The following GRM8 variants were observed in gnomAD, a reference collection of about 807,000 sequenced individuals.
GRM8 encodes metabotropic glutamate receptor 8.
Under a neutral mutation model 87.2 loss-of-function variants are expected in GRM8, and 47 were observed. That is an observed-to-expected ratio of 0.54 (90% CI 0.43 to 0.69). The LOEUF (loss-of-function observed/expected upper bound fraction) is 0.69, where lower values mean the gene tolerates loss of function less well. GRM8 is among the 30% of genes least tolerant of loss of function. The probability of loss-of-function intolerance (pLI) is 0.00; values close to 1 mark genes in which losing one functional copy is unlikely to be tolerated. For synonymous variants in GRM8, 396 were observed against 404.5 expected, an observed-to-expected ratio of 0.98 and a Z score of 0.25; for missense variants, 1,019 against 1,139.2, an observed-to-expected ratio of 0.89 and a Z score of 1.52.
intron 9 of GRM8, among the ~76,000 whole-genome samples, chr7:126,463,176 G>C (rs1252448861): frequency 6.6e-6 from 1 of 151,526 alleles, no homozygotes; most frequent in Non-Finnish European, 1.5e-5. Context: ...GAGACATCAG[G>C]GGATGCAAAG....
At chr7:126,453,417 A>T (rs1320879599) in intron 9 of GRM8, among the ~76,000 whole-genome samples, 1 of 151,754 alleles carries the variant, frequency 6.6e-6, no homozygotes, top group East Asian at 2.0e-4. Flanking sequence ...ATCAAAAGCT[A>T]CGAATAAAGA....
chr7:126,900,588 C>G (rs926826441), intron 6 of GRM8, among the ~76,000 whole-genome samples: 3 of 152,126 alleles, frequency 2.0e-5, no homozygotes, highest in African/African-American at 7.2e-5. Flanking sequence ...CAGCTCACTG[C>G]AACCTCCACC....
intron 3 of GRM8, among the ~76,000 whole-genome samples, chr7:127,056,949 A>T (rs1820057241): frequency 6.6e-6 from 1 of 152,184 alleles, no homozygotes; most frequent in African/African-American, 2.4e-5. Context: ...TCACTTCACC[A>T]CAGAAAATTA....
intron 3 of GRM8, among the ~76,000 whole-genome samples, chr7:127,087,553 G>C (rs1485665247): frequency 3.9e-5 from 6 of 152,178 alleles, no homozygotes; most frequent in Non-Finnish European, 5.9e-5. Flanking sequence ...AAATAGCTAA[G>C]TTCATAGAAT....
intron 7 of GRM8, among the ~76,000 whole-genome samples, chr7:126,753,120 T>A (rs186862266): frequency 6.6e-6 from 1 of 152,110 alleles, no homozygotes; most frequent in Non-Finnish European, 1.5e-5. Context: ...CCTTTGATAC[T>A]TGGAGCATTG....
At chr7:126,904,160 T>A in intron 4 of GRM8, 34 bp from the exon 5 acceptor site, 1 of 1,546,166 alleles carries the variant, frequency 6.5e-7, no homozygotes, top group Non-Finnish European at 8.9e-7. Flanking sequence ...GCATATCACA[T>A]GTATTAAAAA....
At chr7:126,537,823 A>G (rs1020939116) in intron 8 of GRM8, among the ~76,000 whole-genome samples, 2 of 152,154 alleles carry the variant, frequency 1.3e-5, no homozygotes, top group African/African-American at 4.8e-5. Flanking sequence ...TTTGAAAGTG[A>G]AAACTGCCTA....
intron 2 of GRM8, among the ~76,000 whole-genome samples, chr7:127,165,037 T>C (rs1793349188): frequency 6.6e-6 from 1 of 150,838 alleles, no homozygotes; most frequent in East Asian, 1.9e-4. Flanking sequence ...ACTATATACC[T>C]GGTTTTTTCT....
At chr7:126,909,609 T>G (rs1304754307) in intron 3 of GRM8, among the ~76,000 whole-genome samples, 1 of 152,210 alleles carries the variant, frequency 6.6e-6, no homozygotes, top group African/African-American at 2.4e-5. Flanking sequence ...TTTCTAGAAT[T>G]TCCTGGCTAG....
rs538409930 is a variant in GRM8 at position 126,770,165 on chromosome 7, A to G, written c.1157-100T>C. ...CATCATTTGAGGAACACTTAATGAG[A>G]CACGACTATTTGATTTCACTTCTGA... On this transcript the variant is annotated intron_variant, in intron 6 of 10. Coordinates refer to ENST00000339582, the MANE Select transcript of GRM8 (RefSeq NM_000845.3). The G allele has an allele frequency of 5.6e-5, 41 of 736,758 alleles. No individual in the cohort carries two copies. The African/African-American group carries it at 5.7e-4, about 10-fold the overall frequency. 45.6% of individuals were successfully genotyped at this position (736,758 alleles called of 1,614,324 possible). A position where few individuals can be genotyped will look rare whatever the true frequency, so the allele number is the denominator to read the frequency against.
chr7:126,511,552 C>T (rs1444600733), intron 9 of GRM8: 1 of 152,040 alleles, frequency 6.6e-6, no homozygotes, highest in East Asian at 1.9e-4. Flanking sequence ...TATCATAAGG[C>T]TAGTTACCAG....
intron 3 of GRM8, among the ~76,000 whole-genome samples, chr7:126,992,138 C>T (rs1191629061): frequency 6.6e-6 from 1 of 152,174 alleles, no homozygotes; most frequent in South Asian, 2.1e-4. Flanking sequence ...ATCACAGTGC[C>T]TTGCTTAGTT....
intron 7 of GRM8, among the ~76,000 whole-genome samples, chr7:126,688,322 G>T (rs779540504): frequency 6.6e-6 from 1 of 152,154 alleles, no homozygotes; most frequent in Non-Finnish European, 1.5e-5. Context: ...AAAGGAGCAA[G>T]GATCTCTATG....
intron 7 of GRM8, among the ~76,000 whole-genome samples, chr7:126,630,144 C>A (rs75580335): frequency 6.4e-5 from 9 of 140,778 alleles, no homozygotes; most frequent in Non-Finnish European, 1.1e-4. Flanking sequence ...AAGAAAAAAA[C>A]AATAGCCTCC....
chr7:127,154,972 AGAATTAAAGGCACCCCT>A (rs1792632495), intron 2 of GRM8, among the ~76,000 whole-genome samples: 1 of 152,174 alleles, frequency 6.6e-6, no homozygotes, highest in Non-Finnish European at 1.5e-5. Context: ...CACAAATATT[AGAATTAAAGGCACCCCT>A]GAAAGCCTGA....
intron 7 of GRM8, among the ~76,000 whole-genome samples, chr7:126,640,002 T>C (rs1802212120): frequency 6.6e-6 from 1 of 152,174 alleles, no homozygotes; most frequent in Non-Finnish European, 1.5e-5. Flanking sequence ...GTGGTTCAAA[T>C]GGGTCTGTGA....
chr7:127,199,762 A>G (rs1384148811), intron 2 of GRM8, among the ~76,000 whole-genome samples: 1 of 152,188 alleles, frequency 6.6e-6, no homozygotes, highest in Non-Finnish European at 1.5e-5. Flanking sequence ...CCAGTCCAAG[A>G]ACTGTACAGG....
intron 3 of GRM8, among the ~76,000 whole-genome samples, chr7:127,004,340 G>T (rs1049407773): frequency 5.0e-4 from 75 of 151,472 alleles, no homozygotes; most frequent in African/African-American, 1.6e-3. Context: ...TCAAAGAAAT[G>T]AATAGACAAG....
chr7:126,836,493 C>G (rs1265151002), intron 6 of GRM8, among the ~76,000 whole-genome samples: 2 of 152,078 alleles, frequency 1.3e-5, no homozygotes, highest in East Asian at 3.9e-4. Flanking sequence ...GAGCTGCCCC[C>G]TGCCTCTCTT....
Sources: gnomAD v4.1 joint callset for allele counts (sites outside exome capture counted in the v4.1 genomes callset) on GRCh38, gnomAD v4.1.1 for gene constraint, MANE v1.5 for transcripts, NCBI Gene and HGNC (gene_info 2026-07-23, HGNC 2026-07-21) for gene names.